Variants in LUZP2 observed in about 807,000 individuals in gnomAD.
LUZP2 encodes leucine zipper protein 2.
LUZP2 carries 52 observed loss-of-function variants against 51.6 expected under a neutral mutation model. The ratio of observed to expected loss-of-function variants is 1.01; its 90% CI spans 0.81 to 1.27. The LOEUF is 1.27. LUZP2 is among the 50% of genes most tolerant of loss of function. The pLI is 0.00. For synonymous variants in LUZP2, 154 were observed against 137.3 expected (o/e 1.12, Z -0.85); for missense variants, 436 against 395.4 (o/e 1.10, Z -0.87).
chr11:24,857,314 C>CATATATAT (rs1565000657), intron 5 of LUZP2, among the ~76,000 whole-genome samples: 2 of 10,054 alleles, frequency 2.0e-4, no homozygotes, highest in African/African-American at 2.6e-4. Flanking sequence ...CATATATATA[C>CATATATAT]ACACACACAC....
intron 1 of LUZP2, among the ~76,000 whole-genome samples, chr11:24,506,574 C>T (rs1490972344): frequency 6.6e-6 from 1 of 151,970 alleles, no homozygotes; most frequent in Non-Finnish European, 1.5e-5. Context: ...TATATCAAAT[C>T]CCTTTTGTGT....
At chr11:24,792,784 C>T (rs1053669907) in intron 5 of LUZP2, among the ~76,000 whole-genome samples, 1 of 152,130 alleles carries the variant, frequency 6.6e-6, no homozygotes, top group Non-Finnish European at 1.5e-5. Context: ...TGTTGTTGTT[C>T]CTACTCAATC....
chr11:25,031,009 ATATATATT>A (rs1857665507), intron 9 of LUZP2, among the ~76,000 whole-genome samples: 3 of 3,140 alleles, frequency 9.6e-4, no homozygotes, highest in African/African-American at 3.9e-3. Flanking sequence ...ATATATATAT[ATATATATT>A]TTTTTTTTTT....
intron 5 of LUZP2, among the ~76,000 whole-genome samples, chr11:24,842,240 T>C (rs1007221827): frequency 1.3e-5 from 2 of 148,998 alleles, no homozygotes. Flanking sequence ...AATTTAAATA[T>C]GTTCTATATT....
At chr11:24,682,233 A>C (rs1364145690) in intron 1 of LUZP2, among the ~76,000 whole-genome samples, 1 of 152,070 alleles carries the variant, frequency 6.6e-6, no homozygotes, top group East Asian at 1.9e-4. Flanking sequence ...CATGGCTCAC[A>C]CCTGTAATCC....
At chr11:24,779,949 A>G (rs919388015) in intron 5 of LUZP2, among the ~76,000 whole-genome samples, 4 of 152,204 alleles carry the variant, frequency 2.6e-5, no homozygotes, top group Non-Finnish European at 5.9e-5. Context: ...TACAACAGCC[A>G]TGAGAAAGTG....
chr11:24,592,435 G>A (rs1853292696), intron 1 of LUZP2, among the ~76,000 whole-genome samples: 1 of 152,136 alleles, frequency 6.6e-6, no homozygotes. Context: ...AAAATGATAT[G>A]AGCAAAAGCA....
chr11:24,821,198 C>T (rs902116670), intron 5 of LUZP2, among the ~76,000 whole-genome samples: 2 of 151,990 alleles, frequency 1.3e-5, no homozygotes, highest in African/African-American at 2.4e-5. Context: ...GGGCTATATA[C>T]CAAATGTTTA....
intron 9 of LUZP2, among the ~76,000 whole-genome samples, chr11:24,984,549 T>TATATATATATATATATATA (rs60530495): frequency 6.3e-4 from 45 of 71,174 alleles, no homozygotes; most frequent in South Asian, 1.8e-3. Flanking sequence ...TATATATATA[T>TATATATATATATATATATA]AATTGTGAAT....
intron 1 of LUZP2, among the ~76,000 whole-genome samples, chr11:24,540,675 C>G (rs936329849): frequency 6.6e-6 from 1 of 152,006 alleles, no homozygotes; most frequent in African/African-American, 2.4e-5. Flanking sequence ...TTAGAAGAAT[C>G]CTAAAATAAT....
chr11:24,898,407 A>T (rs1339098111), intron 5 of LUZP2, among the ~76,000 whole-genome samples: 1 of 152,152 alleles, frequency 6.6e-6, no homozygotes, highest in Non-Finnish European at 1.5e-5. Context: ...GGCAGATCAC[A>T]AGGTCAGGAG....
intron 7 of LUZP2, among the ~76,000 whole-genome samples, chr11:24,939,157 T>C (rs1296596240): frequency 1.3e-5 from 2 of 152,152 alleles, no homozygotes; most frequent in East Asian, 3.8e-4. Context: ...CGGTTCTCTT[T>C]TAGTCATTTC....
intron 5 of LUZP2, among the ~76,000 whole-genome samples, chr11:24,823,076 C>T (rs886629601): frequency 6.6e-6 from 1 of 152,104 alleles, no homozygotes; most frequent in Non-Finnish European, 1.5e-5. Flanking sequence ...GATCTCTGTT[C>T]TCATGGGGCT....
chr11:24,845,721 A>ACC (rs1851177779), intron 5 of LUZP2, among the ~76,000 whole-genome samples: 1 of 151,772 alleles, frequency 6.6e-6, no homozygotes, highest in African/African-American at 2.4e-5. Flanking sequence ...GGTTTTAAAA[A>ACC]ACAGGAGTTT....
chr11:24,918,319 C>A (rs1245162437), intron 7 of LUZP2, among the ~76,000 whole-genome samples: 1 of 152,020 alleles, frequency 6.6e-6, no homozygotes, highest in Non-Finnish European at 1.5e-5. Flanking sequence ...TAATTGAATA[C>A]CCTTTATTTC....
intron 4 of LUZP2, among the ~76,000 whole-genome samples, chr11:24,752,562 A>G (rs1270664642): frequency 1.3e-5 from 2 of 152,206 alleles, no homozygotes; most frequent in African/African-American, 4.8e-5. Context: ...CGAAGAGGGG[A>G]AAATATGATT....
intron 5 of LUZP2, among the ~76,000 whole-genome samples, chr11:24,882,030 T>A (rs980989302): frequency 6.6e-6 from 1 of 151,984 alleles, no homozygotes. Context: ...AATCTGCTCT[T>A]TTAGGAGCTT....
chr11:24,887,669 C>T (rs1161105244), intron 5 of LUZP2, among the ~76,000 whole-genome samples: 1 of 152,192 alleles, frequency 6.6e-6, no homozygotes, highest in Non-Finnish European at 1.5e-5. Flanking sequence ...AAAATGGATG[C>T]AGAGGCAACA....
At chr11:24,633,447 C>A (rs551503800) in intron 1 of LUZP2, among the ~76,000 whole-genome samples, 1 of 151,848 alleles carries the variant, frequency 6.6e-6, no homozygotes, top group African/African-American at 2.4e-5. Flanking sequence ...AGTTACCTAG[C>A]CACTCCATGA....
Sources: allele counts gnomAD v4.1 joint callset (sites outside exome capture counted in the v4.1 genomes callset), GRCh38; gene constraint gnomAD v4.1.1; transcripts MANE v1.5; gene names NCBI Gene and HGNC (gene_info 2026-07-23, HGNC 2026-07-21).